Variants in SEC31B observed in about 807,000 individuals in gnomAD.
SEC31B encodes protein transport protein Sec31B.
In SEC31B, 113 loss-of-function variants were observed where a neutral mutation model predicts 135.0. The ratio of observed to expected loss-of-function variants is 0.84; its 90% CI spans 0.72 to 0.98. The LOEUF (loss-of-function observed/expected upper bound fraction) is 0.98. SEC31B is among the 50% of genes least tolerant of loss of function. The pLI, the probability that SEC31B is intolerant of heterozygous loss-of-function variation, is 0.00. For synonymous variants in SEC31B, 508 were observed against 549.4 expected, an observed-to-expected ratio of 0.92 and a Z score of 1.05; for missense variants, 1,296 against 1,421.1, an observed-to-expected ratio of 0.91 and a Z score of 1.42.
rs574320296 is a variant in SEC31B, at chr10:100,488,808, G to A, written c.3288+50C>T. On this transcript the variant is annotated intron_variant, in intron 24 of 25. Transcript: ENST00000370345. ...ACTGGTCCACAGCTGAGGGGTCCTGGAGCCAGCGAGGGGTGCGAGGAGGGC... is the reference window on the plus strand; with the variant it reads ...ACTGGTCCACAGCTGAGGGGTCCTGAAGCCAGCGAGGGGTGCGAGGAGGGC... 2.8e-5 allele frequency: 43 copies of A among 1,527,596 alleles called. No individual in the cohort carries two copies. In the South Asian group the frequency reaches 4.6e-4, roughly 16 times the overall value. 94.6% of individuals were successfully genotyped at this position (1,527,596 alleles called of 1,614,324 possible).
At chr10:100,500,609 C>G (rs1251402961) in intron 11 of SEC31B, among the ~76,000 whole-genome samples, 1 of 152,112 alleles carries the variant, frequency 6.6e-6, no homozygotes, top group Non-Finnish European at 1.5e-5. Flanking sequence ...AGCCACCGCA[C>G]CCAGCCTTGT....
rs774872410 is a variant in SEC31B at position 100,516,870 on chromosome 10, A to C, written c.79+4T>G. On this transcript the variant is annotated splice_donor_region_variant and intron_variant, in intron 2 of 25. Transcript: ENST00000370345. ...GTGGATCCTAATTCACAGTGTCACC[A>C]TACCTGTGGCCAGATACAAAGGGTA... is the stretch of plus-strand genomic sequence containing the variant. 4.3e-6 allele frequency: 7 copies of C among 1,611,610 alleles called. 1 individual carries two copies. The South Asian group carries it at 7.7e-5, about 18-fold the overall frequency.
intron 10 of SEC31B, 48 bp downstream of exon 10, chr10:100,505,313 C>A (rs755969519): frequency 1.3e-6 from 2 of 1,598,266 alleles, no homozygotes; most frequent in South Asian, 1.1e-5. Flanking sequence ...CACACACACA[C>A]ACACACACAC....
chr10:100,502,130 A>G, intron 11 of SEC31B, 124 bp downstream of exon 11: 5 of 731,420 alleles, frequency 6.8e-6, no homozygotes, highest in South Asian at 1.7e-5. Flanking sequence ...GGGAAAAACT[A>G]ATGGGAGTTA....
intron 3 of SEC31B, among the ~76,000 whole-genome samples, chr10:100,512,136 G>A (rs1158298744): frequency 2.6e-5 from 4 of 152,072 alleles, no homozygotes; most frequent in African/African-American, 7.2e-5. Context: ...CCCAAAGAGA[G>A]GACACAGTGC....
chr10:100,518,253 G>C (rs947135697), intron 1 of SEC31B, among the ~76,000 whole-genome samples: 8 of 152,126 alleles, frequency 5.3e-5, no homozygotes, highest in Non-Finnish European at 5.9e-5. Context: ...AGCCACACTA[G>C]CCTTTAATTT....
chr10:100,512,938 T>C (rs1851761919), intron 3 of SEC31B, among the ~76,000 whole-genome samples: 1 of 152,142 alleles, frequency 6.6e-6, no homozygotes, highest in Non-Finnish European at 1.5e-5. Flanking sequence ...TTATGGCCAA[T>C]GCTACTGCCC....
chr10:100,507,608 T>G (rs764390269), intron 6 of SEC31B, 41 bp from the exon 7 acceptor site: 1 of 1,610,086 alleles, frequency 6.2e-7, no homozygotes, highest in Non-Finnish European at 8.5e-7. Context: ...GTAACCTGAC[T>G]CTTTTGCCCA....
chr10:100,508,829 C>T, intron 5 of SEC31B, 178 bp downstream of exon 5: 1 of 611,128 alleles, frequency 1.6e-6, no homozygotes. Context: ...ATACACCCTC[C>T]ACCCACCAGC....
intron 19 of SEC31B, among the ~76,000 whole-genome samples, chr10:100,493,706 G>C (rs1426980078): frequency 6.6e-6 from 1 of 152,210 alleles, no homozygotes; most frequent in Non-Finnish European, 1.5e-5. Context: ...ACACCACAAT[G>C]TGACAAAACT....
intron 22 of SEC31B, 114 bp from the exon 23 acceptor site, chr10:100,489,512 CTG>C: frequency 7.1e-7 from 1 of 1,413,632 alleles, no homozygotes; most frequent in Non-Finnish European, 9.7e-7. Context: ...GTGTGGGAAA[CTG>C]GGAAGTGAGG....
At chr10:100,510,283 T>C (rs1290131552) in intron 3 of SEC31B, among the ~76,000 whole-genome samples, 1 of 152,166 alleles carries the variant, frequency 6.6e-6, no homozygotes, top group Admixed American at 6.5e-5. Flanking sequence ...CCCATGCCTC[T>C]CCCATGTGGC....
intron 19 of SEC31B, among the ~76,000 whole-genome samples, chr10:100,492,694 T>A (rs932724997): frequency 2.0e-5 from 3 of 152,198 alleles, no homozygotes; most frequent in Non-Finnish European, 4.4e-5. Flanking sequence ...AAAACTTCTA[T>A]AACTATTCAG....
rs1851389959 is a variant in SEC31B, at chr10:100,495,468, G to C, written c.2389C>G (p.Pro797Ala). The change falls in exon 19 of 26, where the codon CCC becomes GCC. Residue 797 changes from proline to alanine, a missense_variant. Physicochemically the swap from Pro to Ala is conservative, Grantham distance 27. Coordinates refer to ENST00000370345, the MANE Select transcript of SEC31B (RefSeq NM_015490.4). ...AVLGQQSPPF[P>A]FPRIVVGATL... ...GCTCCCACAACAATCCGGGGGAAGGGGAAAGGGGGAGACTGTTGGCCCAAG... is the reference window on the plus strand; with the variant it reads ...GCTCCCACAACAATCCGGGGGAAGGCGAAAGGGGGAGACTGTTGGCCCAAG... The C allele has an allele frequency of 1.2e-6, 2 of 1,613,822 alleles. No homozygotes were observed. The highest frequency in any genetic ancestry group is 2.7e-5 in the African/African-American group (2 of 74,904).
intron 1 of SEC31B, among the ~76,000 whole-genome samples, chr10:100,517,320 C>T (rs1035654574): frequency 6.6e-6 from 1 of 152,164 alleles, no homozygotes; most frequent in South Asian, 2.1e-4. Context: ...AAATTTATAT[C>T]ACCATCACAA....
intron 19 of SEC31B, 37 bp downstream of exon 19, chr10:100,495,348 A>G (rs745492426): frequency 1.9e-6 from 3 of 1,587,972 alleles, no homozygotes; most frequent in Non-Finnish European, 1.7e-6. Flanking sequence ...GGCACGTATT[A>G]TTGAATGAAC....
rs1851840044 is a variant in SEC31B, at chr10:100,516,189, A to G, written c.110T>C (p.Phe37Ser). The G allele has an allele frequency of 5.6e-6, 9 of 1,614,032 alleles. No individual in the cohort carries two copies. The highest frequency in any genetic ancestry group is 3.3e-4 in the Middle Eastern group (2 of 6,062). The change falls in exon 3 of 26, where the codon TTC (phenylalanine) becomes TCC (serine). Residue 37 changes from phenylalanine (F) to serine (S), a missense_variant. By Grantham distance (155) the Phe-to-Ser change is radical. Coordinates refer to ENST00000370345, the MANE Select transcript of SEC31B (RefSeq NM_015490.4). ...TATTTCCAATGTGCCATTTGTGCTG[A>G]AGGAGGAATCTAGCTGTTGGGCAGA... ...GTSAQQLDSS[F>S]STNGTLEIFE...
At position 100,497,773 on chromosome 10, in the gene SEC31B, T is replaced by G; in HGVS notation, c.1884A>C (p.Gln628His). Residue 628 changes from glutamine (Q) to histidine (H), a missense_variant, in exon 16 of 26, where the codon CAA becomes CAC. Gln to His is a conservative substitution (Grantham distance 24). Transcript: ENST00000370345. ...KISSLLACVV[Q>H]KNWKDVVCTC... The stretch of plus-strand genomic sequence containing the variant: ...TACACACCACATCCTTCCAATTCTT[T>G]TGCACAACACAGGCTAGAAGCTGTA... The G allele has an allele frequency of 6.2e-7, 1 of 1,614,196 alleles. No individual in the cohort carries two copies. The highest frequency in any genetic ancestry group is 8.5e-7 in the Non-Finnish European group (1 of 1,180,036).
chr10:100,488,811 C>G, intron 24 of SEC31B, 47 bp downstream of exon 24: 1 of 1,527,702 alleles, frequency 6.5e-7, no homozygotes, highest in South Asian at 1.3e-5. Context: ...GGTCCTGGAG[C>G]CAGCGAGGGG....
Sources: allele counts gnomAD v4.1 joint callset (sites outside exome capture counted in the v4.1 genomes callset), GRCh38; gene constraint gnomAD v4.1.1; transcripts MANE v1.5; gene names NCBI Gene and HGNC (gene_info 2026-07-23, HGNC 2026-07-21).